The following SLC24A2 variants were observed in gnomAD, a reference collection of about 807,000 sequenced individuals.
SLC24A2 encodes sodium/potassium/calcium exchanger 2.
A neutral mutation model predicts 62.0 loss-of-function variants in SLC24A2; 36 were observed. That is an observed-to-expected ratio of 0.58 (90% CI 0.44 to 0.77). The LOEUF (loss-of-function observed/expected upper bound fraction) is 0.77, where lower values mean the gene tolerates loss of function less well. Among genes scored for constraint, SLC24A2 ranks in the 30% least tolerant of loss-of-function variants. SLC24A2 has a pLI of 0.00. For missense variants in SLC24A2, 846 were observed against 817.9 expected, an observed-to-expected ratio of 1.03 and a Z score of -0.42; for synonymous variants, 358 against 294.0, an observed-to-expected ratio of 1.22 and a Z score of -2.23.
the SLC24A2 span, among the ~76,000 whole-genome samples, chr9:19,920,516 A>G: frequency 3.3e-5 from 5 of 152,126 alleles, no homozygotes; most frequent in African/African-American, 1.2e-4. Flanking sequence ...GAAGTGAAAC[A>G]GGGGAGGGAA....
At chr9:19,734,765 C>G (rs1821453102) in intron 2 of SLC24A2, among the ~76,000 whole-genome samples, 1 of 132,424 alleles carries the variant, frequency 7.6e-6, no homozygotes, top group African/African-American at 3.0e-5. Flanking sequence ...TGCCTATCAG[C>G]TTAAGGAGAT....
the SLC24A2 span, among the ~76,000 whole-genome samples, chr9:19,962,366 G>A: frequency 6.6e-6 from 1 of 152,140 alleles, no homozygotes; most frequent in Non-Finnish European, 1.5e-5. Context: ...GGTTCCATAT[G>A]AACTTTAAAG....
rs1832801373 is a variant in SLC24A2, at chr9:19,513,311, A to G, written c.*2842T>C. On this transcript the variant is annotated 3_prime_UTR_variant, in exon 11 of 11. Transcript: ENST00000341998. ...TGCCAATGATTTGAATGGTTTAAAG[A>G]CCCATTGTTGAACTCTGTACACATC... 6.6e-6 allele frequency: 1 copy of G among 151,642 alleles called. No homozygotes were observed. Among genetic ancestry groups the G allele is most frequent in the Non-Finnish European group, 1.5e-5 (1 of 67,944 alleles). 9.4% of individuals were successfully genotyped at this position (151,642 alleles called of 1,614,324 possible).
chr9:20,289,352 A>C, the SLC24A2 span, among the ~76,000 whole-genome samples: 2 of 152,178 alleles, frequency 1.3e-5, no homozygotes, highest in African/African-American at 4.8e-5. Flanking sequence ...ACATGCAAGA[A>C]AATTGAGACA....
chr9:19,618,900 T>C (rs888739180), intron 4 of SLC24A2, among the ~76,000 whole-genome samples: 2 of 152,232 alleles, frequency 1.3e-5, no homozygotes, highest in African/African-American at 4.8e-5. Context: ...GGGGAATATT[T>C]ATGCAGCTGA....
the SLC24A2 span, among the ~76,000 whole-genome samples, chr9:20,238,018 C>T: frequency 6.6e-6 from 1 of 152,102 alleles, no homozygotes; most frequent in Non-Finnish European, 1.5e-5. Flanking sequence ...TAATTTGGAG[C>T]TCCTGACTTG....
the SLC24A2 span, among the ~76,000 whole-genome samples, chr9:19,861,598 G>A: frequency 2.0e-5 from 3 of 152,040 alleles, no homozygotes; most frequent in Non-Finnish European, 4.4e-5. Flanking sequence ...AATGCACCAT[G>A]GATCAATCCC....
the SLC24A2 span, among the ~76,000 whole-genome samples, chr9:19,905,657 A>G: frequency 2.3e-3 from 345 of 152,120 alleles, 6 homozygotes; most frequent in East Asian, 0.061. Flanking sequence ...AGCCTCCCAA[A>G]GTGCTGGGAT....
At chr9:20,227,942 A>G in the SLC24A2 span, among the ~76,000 whole-genome samples, 1 of 152,306 alleles carries the variant, frequency 6.6e-6, no homozygotes, top group South Asian at 2.1e-4. Context: ...GTTTCAGTTT[A>G]GCTTCTTGGA....
the SLC24A2 span, among the ~76,000 whole-genome samples, chr9:20,048,970 T>C: frequency 6.6e-6 from 1 of 152,060 alleles, no homozygotes; most frequent in Non-Finnish European, 1.5e-5. Flanking sequence ...TTAGGATACA[T>C]GTGCACAACG....
the SLC24A2 span, among the ~76,000 whole-genome samples, chr9:20,211,641 GT>G: frequency 6.6e-6 from 1 of 152,064 alleles, no homozygotes. Context: ...AACAAAAACT[GT>G]CAAACATTAT....
At chr9:19,698,535 G>T (rs1820259936) in intron 2 of SLC24A2, among the ~76,000 whole-genome samples, 1 of 152,168 alleles carries the variant, frequency 6.6e-6, no homozygotes, top group African/African-American at 2.4e-5. Context: ...AATTAGATTT[G>T]TAAAATCTCC....
At chr9:19,792,293 C>G (rs1479375297), upstream of SLC24A2, among the ~76,000 whole-genome samples, 2 of 152,044 alleles carry the variant, frequency 1.3e-5, no homozygotes, top group Admixed American at 1.3e-4. Context: ...GCAAGTAGCT[C>G]TGGAGTCATA....
At chr9:19,788,729 G>A in intron 1 of SLC24A2, 156 bp downstream of exon 1, 4 of 985,418 alleles carry the variant, frequency 4.1e-6, no homozygotes, top group Non-Finnish European at 3.6e-6. Context: ...GGAGCACAGA[G>A]AGTTGGCTAA....
the SLC24A2 span, among the ~76,000 whole-genome samples, chr9:20,160,963 G>C: frequency 6.6e-6 from 1 of 150,832 alleles, no homozygotes; most frequent in African/African-American, 2.4e-5. Flanking sequence ...TTCCTTAAAA[G>C]AGAAGTCAAT....
chr9:20,074,074 A>G, the SLC24A2 span, among the ~76,000 whole-genome samples: 1 of 152,162 alleles, frequency 6.6e-6, no homozygotes, highest in South Asian at 2.1e-4. Flanking sequence ...GAAGCCTGGC[A>G]TCAAAATCCA....
the SLC24A2 span, among the ~76,000 whole-genome samples, chr9:20,101,951 G>C: frequency 2.0e-5 from 3 of 152,156 alleles, no homozygotes; most frequent in East Asian, 1.9e-4. Flanking sequence ...ACAGTGGAGA[G>C]AAAGATCTCT....
chr9:19,970,370 C>T, the SLC24A2 span, among the ~76,000 whole-genome samples: 1 of 152,082 alleles, frequency 6.6e-6, no homozygotes, highest in African/African-American at 2.4e-5. Context: ...TTGTCTCCCT[C>T]AAGAAATGGA....
At chr9:20,303,660 A>AATTATTACCTCCTTCAAG in the SLC24A2 span, among the ~76,000 whole-genome samples, 1 of 152,198 alleles carries the variant, frequency 6.6e-6, no homozygotes, top group East Asian at 1.9e-4. Context: ...TTAGCTGCCC[A>AATTATTACCTCCTTCAAG]ATTATTACCT....
Sources: allele counts gnomAD v4.1 joint callset (sites outside exome capture counted in the v4.1 genomes callset), GRCh38; gene constraint gnomAD v4.1.1; transcripts MANE v1.5; gene names NCBI Gene and HGNC (gene_info 2026-07-23, HGNC 2026-07-21).